The following LILRA6 variants were observed in gnomAD, a reference collection of about 807,000 sequenced individuals.
The protein encoded by LILRA6 is leukocyte immunoglobulin-like receptor subfamily A member 6.
Under a neutral mutation model 53.9 loss-of-function variants are expected in LILRA6, and 16 were observed. That is an observed-to-expected ratio of 0.30 (90% CI 0.20 to 0.45). LILRA6 has a LOEUF of 0.45. LILRA6 is among the 20% of genes least tolerant of loss of function. The pLI is 1.00. For missense variants in LILRA6, 306 were observed against 618.6 expected (o/e 0.49, Z 5.36); for synonymous variants, 135 against 256.4 (o/e 0.53, Z 4.52).
chr19:54,240,610 C>A (rs1229266044), intron 5 of LILRA6, 34 bp from the exon 6 acceptor site: 1 of 1,567,112 alleles, frequency 6.4e-7, no homozygotes, highest in Non-Finnish European at 8.6e-7. Flanking sequence ...GGGGCTGCCC[C>A]ACCTTGCTCT....
rs892642468 is a variant in LILRA6 at position 54,239,604 on chromosome 19, G to A, written c.1309+297C>T. 15 of 1,198,518 alleles carry A rather than the reference G, an allele frequency of 1.3e-5. No individual in the cohort carries two copies. In the African/African-American group the frequency reaches 1.4e-4, roughly 12 times the overall value. The allele number at this position is 1,198,518 out of a possible 1,614,324, so 74.2% of individuals were successfully genotyped here. The stretch of plus-strand genomic sequence containing the variant: ...GGTCAGGGCCCTCACCTGAGACCAC[G>A]AGCTCCAGGGAGTCACTGGCCTGAC... On this transcript the variant is annotated intron_variant, in intron 7 of 7. Transcript: ENST00000396365.
rs371780935 is a variant in LILRA6 at position 54,241,988 on chromosome 19, G to A, written c.355+38C>T. On this transcript the variant is annotated intron_variant, in intron 3 of 7. Transcript: ENST00000396365. Reference sequence around the variant, plus strand: ...CTGAGAGCCGACCCCCTTCCTGAGGGCAGAGCCTGGGGCTGGGACCCCAGA... The same window carrying A: ...CTGAGAGCCGACCCCCTTCCTGAGGACAGAGCCTGGGGCTGGGACCCCAGA... 2.1e-4 allele frequency: 280 copies of A among 1,354,872 alleles called. 53 individuals are homozygous for A. Among genetic ancestry groups the A allele is most frequent in the Middle Eastern group, 4.8e-4 (2 of 4,152 alleles). The allele number at this position is 1,354,872 out of a possible 1,614,324, so 83.9% of individuals were successfully genotyped here. A position where few individuals can be genotyped will look rare whatever the true frequency, so the allele number is the denominator to read the frequency against.
At chr19:54,239,558 A>G (rs942684920) in intron 7 of LILRA6, 26 of 765,646 alleles carry the variant, frequency 3.4e-5, no homozygotes, top group Admixed American at 8.6e-5. Context: ...TGAGCTGAGC[A>G]TTTGAGCTCA....
chr19:54,240,873 CGGA>C, exon 5 of LILRA6: 1 of 1,613,972 alleles, frequency 6.2e-7, no homozygotes, highest in South Asian at 1.1e-5. Context: ...GCCGACCACT[CGGA>C]GGAGAGGTTG....
Position 54,240,815 on chromosome 19 carries a change from C to T in LILRA6, c.955+16G>A. ...GCAGAGCCTGGGTCCCTGACTGAAC[C>T]CGCTGGGCTCCTCACCTGCCATCAG... On this transcript the variant is annotated intron_variant, in intron 5 of 7. Coordinates refer to ENST00000396365, the Ensembl canonical transcript of LILRA6. The T allele has an allele frequency of 1.2e-6, 2 of 1,612,958 alleles. No individual in the cohort carries two copies. The highest frequency in any genetic ancestry group is 1.7e-6 in the Non-Finnish European group (2 of 1,179,966).
exon 8 of LILRA6, chr19:54,238,802 T>C: frequency 7.2e-7 from 1 of 1,389,672 alleles, no homozygotes; most frequent in Non-Finnish European, 9.5e-7. Context: ...GACCCAAAAT[T>C]TGTGATCAGA....
exon 6 of LILRA6, chr19:54,240,289 C>G (rs1322410225): frequency 3.7e-6 from 6 of 1,603,774 alleles, no homozygotes; most frequent in Non-Finnish European, 5.1e-6. Context: ...ACCATGAGTT[C>G]CAGGGGCTCA....
At chr19:54,238,874 TC>T (rs1462971303) in exon 8 of LILRA6, 4 of 1,566,492 alleles carry the variant, frequency 2.6e-6, no homozygotes, top group South Asian at 1.2e-5. Context: ...TCCTAGATTG[TC>T]CTCCAGAGCC....
downstream of LILRA6, chr19:54,238,404 A>G (rs1360258347): frequency 1.3e-5 from 2 of 152,274 alleles, no homozygotes; most frequent in African/African-American, 2.5e-5. Context: ...TTGCAGTCCT[A>G]CCATGGATGT....
intron 2 of LILRA6, 85 bp downstream of exon 2, chr19:54,242,434 C>T: frequency 1.9e-6 from 2 of 1,073,776 alleles, no homozygotes; most frequent in South Asian, 4.0e-5. Flanking sequence ...CCACCCAGAA[C>T]TGCTGTCTCC....
rs939169170 is a variant in LILRA6, at chr19:54,241,548, G to A, written c.658+28C>T. On this transcript the variant is annotated intron_variant, in intron 4 of 7. Coordinates refer to ENST00000396365, the Ensembl canonical transcript of LILRA6. ...ACAACCTGTCAGCTGCCCCGAAAGT[G>A]TGTTAGACAAGGCCGTGGCTCCCTC... 17 of 1,395,566 alleles carry A rather than the reference G, an allele frequency of 1.2e-5. 3 individuals carry two copies. The Admixed American group carries it at 2.0e-4, about 16-fold the overall frequency. 86.4% of individuals were successfully genotyped at this position (1,395,566 alleles called of 1,614,324 possible).
intron 4 of LILRA6, 126 bp downstream of exon 4, chr19:54,241,450 C>T: frequency 8.4e-7 from 1 of 1,192,288 alleles, no homozygotes; most frequent in East Asian, 2.4e-5. Flanking sequence ...TGGGGTCTCC[C>T]TCATGCCTTC....
intron 7 of LILRA6, 159 bp from the exon 8 acceptor site, chr19:54,239,248 G>C (rs2078683671): frequency 6.5e-7 from 1 of 1,529,216 alleles, no homozygotes; most frequent in Admixed American, 2.1e-5. Context: ...GATGGGGTGA[G>C]GGTCTCAGCT....
exon 3 of LILRA6, chr19:54,242,273 G>A (rs1476035640): frequency 1.4e-6 from 2 of 1,402,524 alleles, no homozygotes; most frequent in East Asian, 2.3e-5. Context: ...TGATCACAGA[G>A]CCTGGCTCAG....
At chr19:54,240,858 T>C (rs1022062146) in exon 5 of LILRA6, 1 of 1,613,860 alleles carries the variant, frequency 6.2e-7, no homozygotes, top group African/African-American at 1.3e-5. Context: ...AGGGGGTCGC[T>C]GGGGGCCGAC....
rs199943671 is a variant in LILRA6, at chr19:54,242,740, G to A, written c.12C>T (p.Thr4=). The change falls in exon 1 of 8, where the codon ACC becomes ACT. Residue 4 remains threonine (T), a synonymous_variant. Transcript: ENST00000396365. Reference sequence around the variant, plus strand: ...CACCTAGGCAGAGCAGGGCTGCGAGGGTGGGGGTCATGGCGTCTCCTCCTG... The same window carrying A: ...CACCTAGGCAGAGCAGGGCTGCGAGAGTGGGGGTCATGGCGTCTCCTCCTG... 2.2e-4 allele frequency: 230 copies of A among 1,066,520 alleles called. 89 individuals carry two copies. In the Middle Eastern group the frequency reaches 3.2e-3, roughly 15 times the overall value. 66.1% of individuals were successfully genotyped at this position (1,066,520 alleles called of 1,614,324 possible).
rs2078775717 is a variant in LILRA6, at chr19:54,241,931, C to A, written c.356-53G>T. Reference sequence around the variant, plus strand: ...ATGGGGCTCCCACCTCCCACATCATCCCCAGGGCTGGGCTGTGAGAGGGAG... The same window carrying A: ...ATGGGGCTCCCACCTCCCACATCATACCCAGGGCTGGGCTGTGAGAGGGAG... On this transcript the variant is annotated intron_variant, in intron 3 of 7. Coordinates refer to ENST00000396365, the Ensembl canonical transcript of LILRA6. 8.7e-6 allele frequency: 11 copies of A among 1,262,304 alleles called. 3 individuals are homozygous for A. Among genetic ancestry groups the A allele is most frequent in the Admixed American group, 6.0e-5 (3 of 50,278 alleles). 78.2% of individuals were successfully genotyped at this position (1,262,304 alleles called of 1,614,324 possible). A position where few individuals can be genotyped will look rare whatever the true frequency, so the allele number is the denominator to read the frequency against.
exon 8 of LILRA6, chr19:54,238,993 T>C (rs752551475): frequency 5.0e-6 from 8 of 1,611,346 alleles, no homozygotes. Context: ...CTGGCTGTGC[T>C]GAGCCTCAAA....
intron 7 of LILRA6, chr19:54,239,403 G>C: frequency 1.5e-6 from 1 of 668,862 alleles, no homozygotes; most frequent in East Asian, 3.4e-5. Context: ...GCTCCCTCCA[G>C]TCTCCTCATG....
Sources: allele counts gnomAD v4.1 joint callset, GRCh38; gene constraint gnomAD v4.1.1; transcripts MANE v1.5; gene names NCBI Gene and HGNC (gene_info 2026-07-23, HGNC 2026-07-21).